Variants in JAK2 observed in about 807,000 individuals in gnomAD.
JAK2 encodes the protein tyrosine-protein kinase JAK2.
In JAK2, 86 loss-of-function variants were observed where a neutral mutation model predicts 139.3. That is an observed-to-expected ratio of 0.62 (90% CI 0.52 to 0.74). The LOEUF (loss-of-function observed/expected upper bound fraction) is 0.74. Ranked by LOEUF, JAK2 falls within the 30% of genes least tolerant of loss-of-function variation. The probability of loss-of-function intolerance (pLI) is 0.00; values close to 1 mark genes in which losing one functional copy is unlikely to be tolerated. For missense variants in JAK2, 1,421 were observed against 1,360.3 expected (o/e 1.04, Z -0.70); for synonymous variants, 490 against 437.7 (o/e 1.12, Z -1.49).
chr9:5,006,119 C>T (rs970919076), intron 2 of JAK2, among the ~76,000 whole-genome samples: 1 of 152,140 alleles, frequency 6.6e-6, no homozygotes, highest in East Asian at 1.9e-4. Context: ...ATTCTTCCTA[C>T]CCATGAGCAT....
chr9:5,048,504 ATCT>A (rs535533633), intron 5 of JAK2, among the ~76,000 whole-genome samples: 81 of 152,254 alleles, frequency 5.3e-4, no homozygotes, highest in African/African-American at 1.8e-3. Context: ...GTCATTGATC[ATCT>A]TCTACTTAAA....
At chr9:5,039,102 G>C (rs896068248) in intron 4 of JAK2, among the ~76,000 whole-genome samples, 1 of 152,098 alleles carries the variant, frequency 6.6e-6, no homozygotes, top group Non-Finnish European at 1.5e-5. Flanking sequence ...GGAATGAGAT[G>C]AGGATAGCTA....
rs1053010092 is a variant in JAK2, at chr9:5,017,703, T to C, written c.-25-4260T>C. ...CGATGTAATAGATTTCAAGGAATTATGTATTTTTGAATAAATTAATTCTTT... is the reference window on the plus strand; with the variant it reads ...CGATGTAATAGATTTCAAGGAATTACGTATTTTTGAATAAATTAATTCTTT... On this transcript the variant is annotated intron_variant, in intron 2 of 24. Coordinates refer to ENST00000381652, the MANE Select transcript of JAK2 (RefSeq NM_004972.4). Among the ~76,000 whole-genome samples the C allele has an allele frequency of 3.3e-5, 5 of 152,236 alleles. No homozygotes were observed. The East Asian group carries it at 5.8e-4, about 18-fold the overall frequency.
intron 4 of JAK2, among the ~76,000 whole-genome samples, chr9:5,043,835 G>T (rs572619721): frequency 2.9e-4 from 44 of 152,224 alleles, no homozygotes; most frequent in Non-Finnish European, 5.3e-4. Context: ...CTGAGTGAAA[G>T]AAGGCAGACA....
chr9:5,058,989 C>T (rs1817972069), intron 8 of JAK2, among the ~76,000 whole-genome samples: 1 of 152,116 alleles, frequency 6.6e-6, no homozygotes, highest in South Asian at 2.1e-4. Flanking sequence ...TTGCTTTTCA[C>T]TATGTTGCTT....
At position 5,066,786 on chromosome 9, in the gene JAK2, C is replaced by T. The variant is rs78729673; in HGVS notation, c.1323C>T (p.Val441=). 2,193 of 1,485,946 alleles carry T rather than the reference C, an allele frequency of 1.5e-3. 17 individuals are homozygous for T. The African/African-American group carries it at 0.026, about 18-fold the overall frequency. The allele number at this position is 1,485,946 out of a possible 1,614,324, so 92.0% of individuals were successfully genotyped here. ...DFNKYFLTFA[V]ERENVIEYKH... ...ATAAATATTTTTTGACTTTTGCTGT[C>T]GAGGTTAGTATGTCACACTTATTAG... Residue 441 remains valine, a synonymous_variant, in exon 10 of 25, where the codon GTC becomes GTT. Coordinates refer to ENST00000381652, the MANE Select transcript of JAK2 (RefSeq NM_004972.4).
intron 22 of JAK2, chr9:5,111,456 C>T (rs1822527624): frequency 7.7e-6 from 3 of 389,058 alleles, no homozygotes; most frequent in East Asian, 6.7e-5. Flanking sequence ...CTTCCATCCT[C>T]GGCGTACCTG....
chr9:5,003,919 TAGG>T (rs771715117), intron 2 of JAK2, among the ~76,000 whole-genome samples: 1 of 152,120 alleles, frequency 6.6e-6, no homozygotes, highest in Non-Finnish European at 1.5e-5. Flanking sequence ...TAAATTTTAT[TAGG>T]AGTAGTTTCT....
At chr9:5,091,061 C>A in intron 22 of JAK2, 150 bp downstream of exon 22, 1 of 574,440 alleles carries the variant, frequency 1.7e-6, no homozygotes, top group Non-Finnish European at 3.0e-6. Context: ...TTTTTTAGGT[C>A]TTATAGTCAT....
chr9:5,071,576 A>G lies in JAK2; in HGVS notation c.1642-916A>G, dbSNP rs78335351. Among the ~76,000 whole-genome samples, 361 of 152,330 alleles carry G rather than the reference A, an allele frequency of 2.4e-3. 3 individuals carry two copies. Among genetic ancestry groups the G allele is most frequent in the African/African-American group, 8.1e-3 (338 of 41,592 alleles). ...ATTACTTATAGCTGAAGAGAGATGT[A>G]GTGAACCTCAAGACAGATCTGAAGA... is the stretch of plus-strand genomic sequence containing the variant. On this transcript the variant is annotated intron_variant, in intron 12 of 24. Coordinates refer to ENST00000381652, the MANE Select transcript of JAK2 (RefSeq NM_004972.4).
chr9:4,990,070 G>A (rs1012913479), intron 2 of JAK2, among the ~76,000 whole-genome samples: 4 of 152,214 alleles, frequency 2.6e-5, no homozygotes, highest in Non-Finnish European at 5.9e-5. Flanking sequence ...CTGAAGTAAT[G>A]AGGACTTAGA....
intron 22 of JAK2, among the ~76,000 whole-genome samples, chr9:5,120,739 T>G (rs1301461982): frequency 6.6e-6 from 1 of 152,168 alleles, no homozygotes; most frequent in Non-Finnish European, 1.5e-5. Flanking sequence ...GGAGACTGAT[T>G]GGAGATATTT....
intron 10 of JAK2, among the ~76,000 whole-genome samples, chr9:5,068,158 CAAA>C (rs1466637853): frequency 1.3e-5 from 1 of 77,570 alleles, no homozygotes; most frequent in African/African-American, 5.4e-5. Flanking sequence ...GACACGGTCT[CAAA>C]AAAAAACAAC....
Position 5,127,638 on chromosome 9 carries a change from C to G in JAK2, c.*847C>G. The G allele has an allele frequency of 4.3e-6, 1 of 231,650 alleles. No individual in the cohort carries two copies. The highest frequency in any genetic ancestry group is 8.6e-6 in the Non-Finnish European group (1 of 116,628). 14.3% of individuals were successfully genotyped at this position (231,650 alleles called of 1,614,324 possible). On this transcript the variant is annotated 3_prime_UTR_variant, in exon 25 of 25. Coordinates refer to ENST00000381652, the MANE Select transcript of JAK2 (RefSeq NM_004972.4). ...TTTTAAAATTTTGAGATTAAGAATGCCAGGAATATTGTCATCCTTTGAGCT... is the reference window on the plus strand; with the variant it reads ...TTTTAAAATTTTGAGATTAAGAATGGCAGGAATATTGTCATCCTTTGAGCT...
intron 2 of JAK2, among the ~76,000 whole-genome samples, chr9:4,994,936 G>T (rs1820474772): frequency 6.9e-6 from 1 of 144,390 alleles, no homozygotes; most frequent in Non-Finnish European, 1.5e-5. Flanking sequence ...TTGTACATTT[G>T]TCAGGGCGTG....
Position 5,072,614 on chromosome 9 carries a change from A to G in JAK2, c.1764A>G (p.Arg588=), listed in dbSNP as rs182764738. 24 of 1,605,420 alleles carry G rather than the reference A, an allele frequency of 1.5e-5. No homozygotes were observed. In the Admixed American group the frequency reaches 1.9e-4, roughly 12 times the overall value. The change falls in exon 13 of 25, where the codon AGA becomes AGG. Residue 588 remains arginine (R), a synonymous_variant. Transcript: ENST00000381652. ...VLLKVLDKAH[R]NYSESFFEAA... ...TAAAAGTTCTGGATAAAGCACACAG[A>G]AACTATTCAGAGGTGTGTATGTTCT...
At position 5,114,877 on chromosome 9, in the gene JAK2, G is replaced by A. The variant is rs116945008; in HGVS notation, c.3060-8127G>A. 451 of 218,388 alleles carry A rather than the reference G, an allele frequency of 2.1e-3. 1 individual carries two copies. The highest frequency in any genetic ancestry group is 1.9e-3 in the Non-Finnish European group (204 of 109,110). The allele number at this position is 218,388 out of a possible 1,614,324, so 13.5% of individuals were successfully genotyped here. A position where few individuals can be genotyped will look rare whatever the true frequency, so the allele number is the denominator to read the frequency against. ...GTGGGAAGGGCTGGCCAGACCTTCT[G>A]TCCACTGTTGCAATGACCCCAGGAA... On this transcript the variant is annotated intron_variant, in intron 22 of 24. Transcript: ENST00000381652.
chr9:5,007,259 G>C (rs958764754), intron 2 of JAK2, among the ~76,000 whole-genome samples: 1 of 152,006 alleles, frequency 6.6e-6, no homozygotes, highest in Non-Finnish European at 1.5e-5. Context: ...GAATATCTTA[G>C]TATACACTTT....
intron 22 of JAK2, chr9:5,114,045 G>T: frequency 3.1e-6 from 1 of 322,548 alleles, no homozygotes; most frequent in South Asian, 3.0e-5. Context: ...ACTGGAGGAT[G>T]AGCTGGCCTC....
Sources: allele counts gnomAD v4.1 joint callset (sites outside exome capture counted in the v4.1 genomes callset), GRCh38; gene constraint gnomAD v4.1.1; transcripts MANE v1.5; gene names NCBI Gene and HGNC (gene_info 2026-07-23, HGNC 2026-07-21).